TRPM3: variants seen among roughly 807,000 people sequenced by gnomAD.
TRPM3 encodes long transient receptor potential channel 3.
TRPM3 carries 77 observed loss-of-function variants against 181.2 expected under a neutral mutation model. The observed-to-expected ratio is 0.42, with a 90% CI of 0.35 to 0.51. The LOEUF is 0.51. Ranked by LOEUF, TRPM3 falls within the 20% of genes least tolerant of loss-of-function variation. The pLI is 0.01. For synonymous variants in TRPM3, 745 were observed against 796.4 expected, an observed-to-expected ratio of 0.94 and a Z score of 1.09; for missense variants, 1,759 against 2,196.7, an observed-to-expected ratio of 0.80 and a Z score of 3.98.
intron 1 of TRPM3, among the ~76,000 whole-genome samples, chr9:71,407,743 G>A (rs2093464568): frequency 6.6e-6 from 1 of 152,174 alleles, no homozygotes; most frequent in South Asian, 2.1e-4. Flanking sequence ...CAGCATGGTG[G>A]TTGAGCTCTG....
chr9:71,205,709 G>T (rs2079082732), intron 1 of TRPM3, among the ~76,000 whole-genome samples: 1 of 152,182 alleles, frequency 6.6e-6, no homozygotes, highest in South Asian at 2.1e-4. Context: ...AGCTCAAGAA[G>T]TAATTACTCA....
intron 1 of TRPM3, among the ~76,000 whole-genome samples, chr9:71,204,438 T>C (rs2079000281): frequency 1.3e-5 from 2 of 152,338 alleles, no homozygotes; most frequent in South Asian, 4.1e-4. Flanking sequence ...AAGACATTTA[T>C]GCAGCCAAAA....
chr9:71,384,618 C>T (rs1305719273), intron 1 of TRPM3, among the ~76,000 whole-genome samples: 1 of 152,150 alleles, frequency 6.6e-6, no homozygotes, highest in Non-Finnish European at 1.5e-5. Context: ...TTTGATGCTC[C>T]CATAGATACC....
chr9:71,122,574 A>G (rs969745751), upstream of TRPM3, among the ~76,000 whole-genome samples: 1 of 152,196 alleles, frequency 6.6e-6, no homozygotes, highest in Non-Finnish European at 1.5e-5. Flanking sequence ...ATTAACTTGA[A>G]GAGATTGGTA....
chr9:70,979,018 A>C (rs781156811), intron 1 of TRPM3, among the ~76,000 whole-genome samples: 3 of 152,258 alleles, frequency 2.0e-5, no homozygotes, highest in Admixed American at 6.5e-5. Flanking sequence ...GAGATGAGTC[A>C]TCTCAAGGAA....
In TRPM3 at chr9:70,971,148, T is replaced by C. The variant is rs563265658; in HGVS notation, c.178-106637A>G. On this transcript the variant is annotated intron_variant, in intron 1 of 25. Coordinates refer to ENST00000677713, the MANE Select transcript of TRPM3 (RefSeq NM_001366145.2). The stretch of plus-strand genomic sequence containing the variant: ...CACTTTTCTAAAATCTGAAAAACAC[T>C]GAATTATAAAATGCCGACTGTAAAG... Among the ~76,000 whole-genome samples, 8 of 152,280 alleles carry C rather than the reference T, an allele frequency of 5.3e-5. No homozygotes were observed. In the East Asian group the frequency reaches 1.5e-3, roughly 29 times the overall value.
In TRPM3 at chr9:70,583,771, G is replaced by A. The variant is rs188232985; in HGVS notation, c.3223+7260C>T. 2.0e-4 allele frequency among the ~76,000 whole-genome samples: 30 copies of A among 152,280 alleles called. 1 individual carries two copies. The East Asian group carries it at 4.1e-3, about 21-fold the overall frequency. ...TCCAGTTCTATCCTTTTAGGGCTAG[G>A]TATCATTAGCTTCATCTGATCTCTT... is the stretch of plus-strand genomic sequence containing the variant. On this transcript the variant is annotated intron_variant, in intron 22 of 25. Coordinates refer to ENST00000677713, the MANE Select transcript of TRPM3 (RefSeq NM_001366145.2).
chr9:71,304,523 A>G (rs1328124513), intron 1 of TRPM3, among the ~76,000 whole-genome samples: 2 of 152,212 alleles, frequency 1.3e-5, no homozygotes, highest in Non-Finnish European at 2.9e-5. Context: ...CCAACCTAGC[A>G]TCTATTGTAA....
intron 1 of TRPM3, among the ~76,000 whole-genome samples, chr9:71,003,792 C>T (rs1343261710): frequency 2.0e-5 from 3 of 151,134 alleles, no homozygotes; most frequent in Admixed American, 6.6e-5. Context: ...AGAAAGTATT[C>T]CGGAATAAGA....
chr9:70,816,079 A>G (rs1395554186), intron 6 of TRPM3, among the ~76,000 whole-genome samples: 2 of 152,248 alleles, frequency 1.3e-5, no homozygotes, highest in East Asian at 3.8e-4. Context: ...GCTACCATTT[A>G]GGTTTCATTG....
chr9:70,585,083 GC>G (rs1401455548), intron 22 of TRPM3, among the ~76,000 whole-genome samples: 1 of 152,062 alleles, frequency 6.6e-6, no homozygotes, highest in African/African-American at 2.4e-5. Context: ...TGCCCCTCCT[GC>G]CCCGCTGATA....
At chr9:71,332,804 GA>G (rs2090302133) in intron 1 of TRPM3, among the ~76,000 whole-genome samples, 1 of 145,758 alleles carries the variant, frequency 6.9e-6, no homozygotes, top group Non-Finnish European at 1.6e-5. Flanking sequence ...GTGCAAAGTG[GA>G]AGCTTTGCCC....
chr9:71,318,123 A>T (rs2088827413), intron 1 of TRPM3, among the ~76,000 whole-genome samples: 1 of 152,164 alleles, frequency 6.6e-6, no homozygotes, highest in Non-Finnish European at 1.5e-5. Flanking sequence ...GGAAAAAAAT[A>T]AAGCTTTGTA....
At chr9:71,363,708 G>A (rs2092239526) in intron 1 of TRPM3, among the ~76,000 whole-genome samples, 1 of 152,084 alleles carries the variant, frequency 6.6e-6, no homozygotes, top group Admixed American at 6.6e-5. Context: ...CACTTCCTCT[G>A]GGAATTCTTC....
chr9:71,204,882 C>A (rs2079030293), intron 1 of TRPM3, among the ~76,000 whole-genome samples: 2 of 152,220 alleles, frequency 1.3e-5, no homozygotes, highest in African/African-American at 4.8e-5. Context: ...ACTATGCAGC[C>A]ATTTAAAAGG....
chr9:70,547,932 T>G (rs2045455655), intron 25 of TRPM3, among the ~76,000 whole-genome samples: 1 of 152,224 alleles, frequency 6.6e-6, no homozygotes, highest in Non-Finnish European at 1.5e-5. Flanking sequence ...ATTAGTGAAA[T>G]GGTCACAATT....
chr9:70,982,997 C>T lies in TRPM3; in HGVS notation c.178-118486G>A, dbSNP rs116995004. ...TATAGGGGTGAGCCACCACACCTGG[C>T]CAAGTTCTCTAAATTTTAAGTCTTT... is the stretch of plus-strand genomic sequence containing the variant. On this transcript the variant is annotated intron_variant, in intron 1 of 25. Transcript: ENST00000677713. Among the ~76,000 whole-genome samples, 1,042 of 152,250 alleles carry T rather than the reference C, an allele frequency of 6.8e-3. 18 individuals are homozygous for T. The East Asian group carries it at 0.077, about 11-fold the overall frequency.
At chr9:70,870,223 C>T (rs1261612628) in intron 1 of TRPM3, among the ~76,000 whole-genome samples, 2 of 151,988 alleles carry the variant, frequency 1.3e-5, no homozygotes, top group Non-Finnish European at 1.5e-5. Flanking sequence ...AACTTGAATT[C>T]GGTCCTGAGC....
intron 1 of TRPM3, among the ~76,000 whole-genome samples, chr9:71,036,899 G>A (rs917725785): frequency 6.6e-6 from 1 of 152,146 alleles, no homozygotes; most frequent in Admixed American, 6.5e-5. Flanking sequence ...ACAAATCAGA[G>A]ATTTTTAAAT....
Sources: allele counts gnomAD v4.1 joint callset (sites outside exome capture counted in the v4.1 genomes callset), GRCh38; gene constraint gnomAD v4.1.1; transcripts MANE v1.5; gene names NCBI Gene and HGNC (gene_info 2026-07-23, HGNC 2026-07-21).